Variants in ICE2 observed in about 807,000 individuals in gnomAD.
ICE2 encodes the protein little elongation complex subunit 2.
Under a neutral mutation model 105.4 loss-of-function variants are expected in ICE2, and 87 were observed. The ratio of observed to expected loss-of-function variants is 0.83; its 90% CI spans 0.69 to 0.99. The LOEUF (loss-of-function observed/expected upper bound fraction) is 0.99, where lower values mean the gene tolerates loss of function less well. Among genes scored for constraint, ICE2 ranks in the 50% least tolerant of loss-of-function variants. ICE2 has a pLI of 0.00. For missense variants in ICE2, 1,323 were observed against 1,146.7 expected (o/e 1.15, Z -2.22); for synonymous variants, 399 against 392.0 (o/e 1.02, Z -0.21).
Position 60,468,213 on chromosome 15 carries a change from G to C in ICE2, c.256C>G (p.Leu86Val). The C allele has an allele frequency of 6.2e-7, 1 of 1,614,032 alleles. No individual in the cohort carries two copies. The highest frequency in any genetic ancestry group is 8.5e-7 in the Non-Finnish European group (1 of 1,179,938). ...TAAGGAACTCTTGGTTTTGGAAGAA[G>C]AACCATTCCAATTGTGGTTTTAACT... is the stretch of plus-strand genomic sequence containing the variant. ...EKVKTTIGMV[L>V]LPKPRVPYPR... Residue 86 changes from leucine (L) to valine (V), a missense_variant, in exon 4 of 16, where the codon CTT becomes GTT. Physicochemically the swap from Leu to Val is conservative, Grantham distance 32. Coordinates refer to ENST00000261520, the MANE Select transcript of ICE2 (RefSeq NM_024611.6).
chr15:60,464,298 A>C (rs2064361031), intron 5 of ICE2, among the ~76,000 whole-genome samples: 1 of 152,248 alleles, frequency 6.6e-6, no homozygotes. Flanking sequence ...CTGAGCACTT[A>C]AGCGTGCCAT....
chr15:60,432,181 CTTTT>C (rs35081421), intron 13 of ICE2, among the ~76,000 whole-genome samples, 197 bp from the exon 14 acceptor site: 1 of 110,642 alleles, frequency 9.0e-6, no homozygotes, highest in Admixed American at 1.0e-4. Context: ...AAAAAATTTC[CTTTT>C]TTTTTTTTTT....
intron 5 of ICE2, among the ~76,000 whole-genome samples, chr15:60,466,103 G>A (rs2064420261): frequency 2.0e-5 from 3 of 151,984 alleles, no homozygotes; most frequent in Non-Finnish European, 4.4e-5. Context: ...ATGATGGTAG[G>A]GTACAAGCTG....
intron 8 of ICE2, among the ~76,000 whole-genome samples, chr15:60,454,514 G>A (rs143374791): frequency 2.0e-5 from 3 of 152,034 alleles, no homozygotes; most frequent in East Asian, 3.9e-4. Context: ...CATGACTACA[G>A]GTGCTATAGA....
chr15:60,431,168 G>A (rs982062972), intron 14 of ICE2, among the ~76,000 whole-genome samples: 2 of 151,812 alleles, frequency 1.3e-5, no homozygotes, highest in Admixed American at 1.3e-4. Flanking sequence ...CACTGCGCCC[G>A]GCCTCTATGT....
chr15:60,457,531 A>G (rs531606581), intron 5 of ICE2, among the ~76,000 whole-genome samples: 9 of 152,250 alleles, frequency 5.9e-5, no homozygotes, highest in African/African-American at 1.7e-4. Context: ...TTAGGTCACA[A>G]AAGCTCTTGA....
At chr15:60,429,075 AATAG>A (rs556275368) in intron 14 of ICE2, among the ~76,000 whole-genome samples, 69 of 152,344 alleles carry the variant, frequency 4.5e-4, no homozygotes, top group African/African-American at 1.4e-3. Flanking sequence ...TGTACCTAAT[AATAG>A]ATAGATGACT....
rs75032201 is a variant in ICE2 at position 60,461,637 on chromosome 15, T to C, written c.529-4843A>G. On this transcript the variant is annotated intron_variant, in intron 5 of 15. Coordinates refer to ENST00000261520, the MANE Select transcript of ICE2 (RefSeq NM_024611.6). ...TCAGTAATCGTATTGATCACTAGTATTAATATTGTTATTTTGAGGCTGTTG... is the reference window on the plus strand; with the variant it reads ...TCAGTAATCGTATTGATCACTAGTACTAATATTGTTATTTTGAGGCTGTTG... Among the ~76,000 whole-genome samples, 1,109 of 152,198 alleles carry C rather than the reference T, an allele frequency of 7.3e-3. 10 individuals carry two copies. The highest frequency in any genetic ancestry group is 0.026 in the African/African-American group (1,079 of 41,448).
At chr15:60,475,647 A>G (rs547851279) in intron 3 of ICE2, among the ~76,000 whole-genome samples, 6 of 152,264 alleles carry the variant, frequency 3.9e-5, no homozygotes, top group South Asian at 4.1e-4. Flanking sequence ...GTTTTATAGT[A>G]TATTTTTAGT....
intron 15 of ICE2, among the ~76,000 whole-genome samples, chr15:60,425,525 C>T (rs1332938686): frequency 1.3e-5 from 2 of 152,118 alleles, no homozygotes; most frequent in Non-Finnish European, 2.9e-5. Flanking sequence ...TCAAAAGTAG[C>T]CCAGGAAGCA....
In ICE2 at chr15:60,423,043, C is replaced by T. The variant is rs2063262598; in HGVS notation, c.*591G>A. The T allele has an allele frequency of 6.6e-6, 1 of 152,544 alleles. No homozygotes were observed. Among genetic ancestry groups the T allele is most frequent in the Non-Finnish European group, 1.5e-5 (1 of 68,014 alleles). 9.4% of individuals were successfully genotyped at this position (152,544 alleles called of 1,614,324 possible). On this transcript the variant is annotated 3_prime_UTR_variant, in exon 16 of 16. Transcript: ENST00000261520. ...TTTTATTAAACAAACTGATGGTTGC[C>T]AAACAAGAAGTCAGTAATCTGACTT... is the stretch of plus-strand genomic sequence containing the variant.
At position 60,439,317 on chromosome 15, in the gene ICE2, GTTTGAACAGTGCTTGTTACC is replaced by G. The variant is rs1188984369; in HGVS notation, c.2425+3079_2426-3091del. On this transcript the variant is annotated intron_variant, in intron 12 of 15. Transcript: ENST00000261520. Reference sequence around the variant, plus strand: ...CTTCATGAAACGTTAATGAAGAGCAGTTTGAACAGTGCTTGTTACCTTCTTGCACAATTTGTCATAGGAAG... The same window carrying G: ...CTTCATGAAACGTTAATGAAGAGCAGTTCTTGCACAATTTGTCATAGGAAG... 3 of 152,304 alleles carry G rather than the reference GTTTGAACAGTGCTTGTTACC, an allele frequency of 2.0e-5. No individual in the cohort carries two copies. The East Asian group carries it at 5.8e-4, about 29-fold the overall frequency. The allele number at this position is 152,304 out of a possible 1,614,324, so 9.4% of individuals were successfully genotyped here.
At position 60,419,830 on chromosome 15, in the gene ICE2, T is replaced by TA. The variant is rs754906418; in HGVS notation, c.*3803dup. 6.6e-6 allele frequency: 1 copy of TA among 152,226 alleles called. No individual in the cohort carries two copies. 9.4% of individuals were successfully genotyped at this position (152,226 alleles called of 1,614,324 possible). A position where few individuals can be genotyped will look rare whatever the true frequency, so the allele number is the denominator to read the frequency against. ...CAGATGCAGTATGCTAATGAAAAGTTAAAGTTTTCTTTCCTCTCCCTCCCC... is the reference window on the plus strand; with the variant it reads ...CAGATGCAGTATGCTAATGAAAAGTTAAAAGTTTTCTTTCCTCTCCCTCCCC... On this transcript the variant is annotated 3_prime_UTR_variant, in exon 16 of 16. Coordinates refer to ENST00000261520, the MANE Select transcript of ICE2 (RefSeq NM_024611.6).
rs774828742 is a variant in ICE2 at position 60,442,497 on chromosome 15, C to T, written c.2344G>A (p.Gly782Arg). 3.6e-5 allele frequency: 57 copies of T among 1,596,096 alleles called. No homozygotes were observed. In the Admixed American group the frequency reaches 9.2e-4, roughly 26 times the overall value. Residue 782 changes from glycine to arginine, a missense_variant, in exon 12 of 16, where the codon GGA becomes AGA. Physicochemically the swap from Gly to Arg is moderately radical, Grantham distance 125 (BLOSUM62 -2). Transcript: ENST00000261520. The part of the protein sequence containing the change: ...LPKVEYQACY[G>R]VEALTESELC... ...TCACTTTCAGTCAGAGCTTCAACTC[C>T]ATAACAAGCTTGATACTCTACTTTT...
chr15:60,431,175 A>G (rs1595743298), intron 14 of ICE2, among the ~76,000 whole-genome samples: 1 of 150,914 alleles, frequency 6.6e-6, no homozygotes, highest in Non-Finnish European at 1.5e-5. Context: ...CCCGGCCTCT[A>G]TGTTCTTCTT....
At chr15:60,435,022 G>A (rs141326801) in intron 13 of ICE2, among the ~76,000 whole-genome samples, 258 of 151,252 alleles carry the variant, frequency 1.7e-3, no homozygotes, top group African/African-American at 5.7e-3. Context: ...AGTGGCTCAC[G>A]CCTGTAATCT....
intron 12 of ICE2, 101 bp downstream of exon 12, chr15:60,442,315 G>A (rs538276081): frequency 1.2e-4 from 137 of 1,108,578 alleles, no homozygotes; most frequent in African/African-American, 2.6e-4. Flanking sequence ...AAATAAAAAC[G>A]AAAGTAAAAA....
At position 60,477,999 on chromosome 15, in the gene ICE2, T is replaced by C. The variant is rs774356086; in HGVS notation, c.-22A>G. 9 of 1,612,914 alleles carry C rather than the reference T, an allele frequency of 5.6e-6. No homozygotes were observed. Among genetic ancestry groups the C allele is most frequent in the South Asian group, 1.1e-5 (1 of 91,066 alleles). On this transcript the variant is annotated 5_prime_UTR_variant, in exon 2 of 16. Transcript: ENST00000261520. ...TCATCTTCCTAGATTTCTGCTTCAC[T>C]CTAGCTCACAGTTCACAGCTGCCTG... is the stretch of plus-strand genomic sequence containing the variant.
At chr15:60,428,728 G>A (rs1205234140) in intron 14 of ICE2, 41 bp from the exon 15 acceptor site, 1 of 1,583,462 alleles carries the variant, frequency 6.3e-7, no homozygotes, top group East Asian at 2.3e-5. Flanking sequence ...GGCTCACTGT[G>A]TCAATTTCAA....
Sources: allele counts gnomAD v4.1 joint callset (sites outside exome capture counted in the v4.1 genomes callset), GRCh38; gene constraint gnomAD v4.1.1; transcripts MANE v1.5; gene names NCBI Gene and HGNC (gene_info 2026-07-23, HGNC 2026-07-21).